C20orf203: variants seen among roughly 807,000 people sequenced by gnomAD.
C20orf203 encodes the protein chromosome 20 open reading frame 203.
C20orf203 carries 16 observed loss-of-function variants against 15.9 expected under a neutral mutation model. The ratio of observed to expected loss-of-function variants is 1.01; its 90% CI spans 0.68 to 1.53. The LOEUF (loss-of-function observed/expected upper bound fraction) is 1.53. C20orf203 is among the 40% of genes most tolerant of loss of function. C20orf203 has a pLI of 0.00. For synonymous variants in C20orf203, 98 were observed against 97.2 expected, an observed-to-expected ratio of 1.01 and a Z score of -0.05; for missense variants, 263 against 247.5, an observed-to-expected ratio of 1.06 and a Z score of -0.42.
intron 5 of C20orf203, among the ~76,000 whole-genome samples, chr20:32,639,020 C>T (rs1009207580): frequency 6.6e-6 from 1 of 152,206 alleles, no homozygotes; most frequent in Non-Finnish European, 1.5e-5. Flanking sequence ...GGTAGCTGCC[C>T]AAGCCACCAG....
intron 1 of C20orf203, among the ~76,000 whole-genome samples, chr20:32,669,782 A>C (rs1186351677): frequency 1.3e-5 from 2 of 152,246 alleles, no homozygotes; most frequent in Admixed American, 6.5e-5. Flanking sequence ...AAGCACAGGC[A>C]AGAAAAGCAA....
chr20:32,650,724 C>A lies in C20orf203; in HGVS notation c.293G>T (p.Trp98Leu), dbSNP rs1171369461. Reference protein sequence around the residue: ...QHPGPYQERIWVGGEGWGEVG... With the variant: ...QHPGPYQERILVGGEGWGEVG... ...TTCCCCCCACCCCTCCCCACCAACC[C>A]AAATCCTTTCCTGATAAGGGCCTGG... The change falls in exon 4 of 6, where the codon TGG (tryptophan) becomes TTG (leucine). Residue 98 changes from tryptophan (W) to leucine (L), a missense_variant. Trp to Leu is a moderately conservative substitution (Grantham distance 61, BLOSUM62 -2). Coordinates refer to ENST00000608990, the MANE Select transcript of C20orf203 (RefSeq NM_182584.4). 1.9e-6 allele frequency: 3 copies of A among 1,545,520 alleles called. No homozygotes were observed. Among genetic ancestry groups the A allele is most frequent in the Admixed American group, 2.0e-5 (1 of 50,654 alleles).
intron 5 of C20orf203, among the ~76,000 whole-genome samples, chr20:32,634,819 T>A (rs1982093618): frequency 6.6e-6 from 1 of 152,190 alleles, no homozygotes; most frequent in Admixed American, 6.5e-5. Context: ...TATATATATA[T>A]GAAATGATAT....
chr20:32,654,093 A>T (rs1165897012), intron 1 of C20orf203, among the ~76,000 whole-genome samples: 1 of 151,468 alleles, frequency 6.6e-6, no homozygotes, highest in African/African-American at 2.4e-5. Context: ...AAAAAAAAAA[A>T]GAGAAAATCC....
Position 32,649,840 on chromosome 20 carries a change from C to G in C20orf203, c.*592G>C, listed in dbSNP as rs1406850270. ...CCCGGACCATGGGCTCCCGCCAGTG[C>G]TCCCAATTCCCCAGACCCTGCCGAC... On this transcript the variant is annotated 3_prime_UTR_variant, in exon 4 of 6. Transcript: ENST00000608990. 1.3e-5 allele frequency: 2 copies of G among 153,274 alleles called. No individual in the cohort carries two copies. The highest frequency in any genetic ancestry group is 2.9e-5 in the Non-Finnish European group (2 of 68,808). 9.5% of individuals were successfully genotyped at this position (153,274 alleles called of 1,614,324 possible). A position where few individuals can be genotyped will look rare whatever the true frequency, so the allele number is the denominator to read the frequency against.
chr20:32,650,578 CCCCCACCGTG>C lies in C20orf203; in HGVS notation c.429_438del (p.Val145LeufsTer31). ...AGCGAGGACAGAGCTTGGCCAAAGT[CCCCCACCGTG>C]CCCATTCTGGGCATCCCTCCCATTG... On this transcript the variant is annotated frameshift_variant, in exon 4 of 6. Transcript: ENST00000608990. LOFTEE classifies it high-confidence loss of function. The C allele has an allele frequency of 6.5e-7, 1 of 1,548,470 alleles. No individual in the cohort carries two copies. The highest frequency in any genetic ancestry group is 8.7e-7 in the Non-Finnish European group (1 of 1,145,080).
intron 4 of C20orf203, among the ~76,000 whole-genome samples, chr20:32,645,836 C>G (rs1448191875): frequency 6.6e-6 from 1 of 152,220 alleles, no homozygotes; most frequent in Non-Finnish European, 1.5e-5. Flanking sequence ...CTGACTCACT[C>G]CAGAGTTGGG....
chr20:32,641,333 C>CAA (rs71338447), intron 4 of C20orf203, among the ~76,000 whole-genome samples: 250 of 56,946 alleles, frequency 4.4e-3, no homozygotes, highest in African/African-American at 0.011. Context: ...CTCAAAAACT[C>CAA]AAAAAAAAAA....
chr20:32,650,335 A>C lies in C20orf203; in HGVS notation c.*97T>G. The C allele has an allele frequency of 1.2e-6, 1 of 865,600 alleles. No homozygotes were observed. The highest frequency in any genetic ancestry group is 1.8e-6 in the Non-Finnish European group (1 of 551,430). 53.6% of individuals were successfully genotyped at this position (865,600 alleles called of 1,614,324 possible). ...CCCATCCCCCACTCTGGGGAGCAGAATGATTGTGGGGGGTGGTAACAGGGG... is the reference window on the plus strand; with the variant it reads ...CCCATCCCCCACTCTGGGGAGCAGACTGATTGTGGGGGGTGGTAACAGGGG... On this transcript the variant is annotated 3_prime_UTR_variant, in exon 4 of 6. Transcript: ENST00000608990.
chr20:32,668,969 T>C (rs973730364), intron 1 of C20orf203, among the ~76,000 whole-genome samples: 12 of 152,156 alleles, frequency 7.9e-5, no homozygotes, highest in Admixed American at 6.6e-4. Context: ...GACACTAAGA[T>C]GGTACAAGAC....
intron 1 of C20orf203, among the ~76,000 whole-genome samples, chr20:32,672,091 C>T (rs543931023): frequency 2.0e-3 from 309 of 152,062 alleles, no homozygotes; most frequent in Non-Finnish European, 3.2e-3. Context: ...CCAAGGCAGG[C>T]GGATCACAAG....
chr20:32,667,240 G>C (rs568625028), intron 1 of C20orf203, among the ~76,000 whole-genome samples: 6 of 152,282 alleles, frequency 3.9e-5, no homozygotes, highest in Non-Finnish European at 8.8e-5. Context: ...CTTCGAGGTC[G>C]TGGGAGGGCT....
At chr20:32,653,799 A>G (rs1982695344) in intron 1 of C20orf203, among the ~76,000 whole-genome samples, 1 of 152,220 alleles carries the variant, frequency 6.6e-6, no homozygotes, top group Non-Finnish European at 1.5e-5. Context: ...GATCTTATAT[A>G]TAGAAAATCT....
At position 32,633,676 on chromosome 20, in the gene C20orf203, G is replaced by C. The variant is rs1982061083; in HGVS notation, c.*1894C>G. On this transcript the variant is annotated 3_prime_UTR_variant, in exon 6 of 6. Transcript: ENST00000608990. ...GGCACAGGGTCACAATTTGAACCTG[G>C]ACAGGGGCTCCAGAGCCCATGACAC... The C allele has an allele frequency of 8.2e-6, 2 of 244,864 alleles. No individual in the cohort carries two copies. The highest frequency in any genetic ancestry group is 1.6e-5 in the Non-Finnish European group (2 of 128,756). 15.2% of individuals were successfully genotyped at this position (244,864 alleles called of 1,614,324 possible).
intron 1 of C20orf203, among the ~76,000 whole-genome samples, chr20:32,662,092 C>A (rs1982903770): frequency 2.0e-5 from 3 of 152,214 alleles, no homozygotes; most frequent in South Asian, 2.1e-4. Context: ...GATGGCAGAT[C>A]CAGCCTGGTA....
At chr20:32,673,195 T>C (rs34311932) in intron 1 of C20orf203, among the ~76,000 whole-genome samples, 19,294 of 152,076 alleles carry the variant, frequency 0.13, 1,542 homozygotes, top group East Asian at 0.29. Context: ...GCCCCAGGGC[T>C]GGTACAAACG....
At chr20:32,643,865 AATC>A (rs1463996331) in intron 4 of C20orf203, among the ~76,000 whole-genome samples, 2 of 152,198 alleles carry the variant, frequency 1.3e-5, no homozygotes, top group African/African-American at 2.4e-5. Context: ...ATTTGCTAAA[AATC>A]ATCATCATCA....
intron 4 of C20orf203, among the ~76,000 whole-genome samples, chr20:32,641,682 T>C (rs1268143119): frequency 6.6e-6 from 1 of 152,224 alleles, no homozygotes; most frequent in Non-Finnish European, 1.5e-5. Flanking sequence ...AAGTGGTATC[T>C]CATTGTGGTT....
chr20:32,650,411 G>T lies in C20orf203; in HGVS notation c.*21C>A. 1 of 1,532,408 alleles carries T rather than the reference G, an allele frequency of 6.5e-7. No homozygotes were observed. Among genetic ancestry groups the T allele is most frequent in the Non-Finnish European group, 8.8e-7 (1 of 1,133,394 alleles). 94.9% of individuals were successfully genotyped at this position (1,532,408 alleles called of 1,614,324 possible). Reference sequence around the variant, plus strand: ...GTAGGACAGGCAGGCAGAGCTGGGGGTGGGGGCGCCCTGGGCTCGGCTAAT... The same window carrying T: ...GTAGGACAGGCAGGCAGAGCTGGGGTTGGGGGCGCCCTGGGCTCGGCTAAT... On this transcript the variant is annotated 3_prime_UTR_variant, in exon 4 of 6. Transcript: ENST00000608990.
Sources: gnomAD v4.1 joint callset for allele counts (sites outside exome capture counted in the v4.1 genomes callset) on GRCh38, gnomAD v4.1.1 for gene constraint, MANE v1.5 for transcripts, NCBI Gene and HGNC (gene_info 2026-07-23, HGNC 2026-07-21) for gene names.